The following MTAP variants were observed in gnomAD, a reference collection of about 807,000 sequenced individuals.
MTAP encodes S-methyl-5'-thioadenosine phosphorylase.
A neutral mutation model predicts 33.6 loss-of-function variants in MTAP; 33 were observed. The ratio of observed to expected loss-of-function variants is 0.98; its 90% CI spans 0.74 to 1.31. MTAP has a LOEUF of 1.31. Among genes scored for constraint, MTAP ranks in the 40% most tolerant of loss-of-function variants. MTAP has a pLI of 0.00. For missense variants in MTAP, 367 were observed against 360.0 expected (o/e 1.02, Z -0.16); for synonymous variants, 148 against 125.7 (o/e 1.18, Z -1.19).
Position 21,865,664 on chromosome 9 carries a change from C to T in MTAP, c.*3650C>T. The stretch of plus-strand genomic sequence containing the variant: ...AAGGAATGCCAAAGATCGAGGAAAT[C>T]TACCAAGACTAGTAGGGTAGTCCAG... On this transcript the variant is annotated 3_prime_UTR_variant, in exon 8 of 8. Coordinates refer to ENST00000644715, the MANE Select transcript of MTAP (RefSeq NM_002451.4). The T allele has an allele frequency of 2.0e-6, 2 of 1,006,964 alleles. No individual in the cohort carries two copies. The highest frequency in any genetic ancestry group is 2.4e-6 in the Non-Finnish European group (2 of 841,036). The allele number at this position is 1,006,964 out of a possible 1,614,324, so 62.4% of individuals were successfully genotyped here.
intron 1 of MTAP, among the ~76,000 whole-genome samples, chr9:21,897,917 T>C (rs1160535201): frequency 6.6e-6 from 1 of 152,190 alleles, no homozygotes; most frequent in East Asian, 1.9e-4. Context: ...AGAGCCCGCA[T>C]TGCCAAGTCA....
intron 1 of MTAP, among the ~76,000 whole-genome samples, chr9:21,878,555 A>G (rs1213298086): frequency 6.6e-6 from 1 of 152,052 alleles, no homozygotes; most frequent in Admixed American, 6.6e-5. Context: ...AGAGGCAGGG[A>G]TTCACCATGT....
intron 1 of MTAP, among the ~76,000 whole-genome samples, chr9:21,806,972 T>C (rs1389864677): frequency 1.3e-5 from 2 of 152,114 alleles, no homozygotes; most frequent in Non-Finnish European, 2.9e-5. Flanking sequence ...AAGACCAGCC[T>C]GGGCAACATG....
At chr9:21,834,241 G>T (rs1825046200) in intron 4 of MTAP, among the ~76,000 whole-genome samples, 1 of 152,186 alleles carries the variant, frequency 6.6e-6, no homozygotes, top group East Asian at 1.9e-4. Context: ...TCCCGTTTAA[G>T]GAAACTGATA....
chr9:21,803,027 CA>C (rs1824101575), intron 1 of MTAP: 2 of 1,050,442 alleles, frequency 1.9e-6, no homozygotes, highest in African/African-American at 1.8e-5. Context: ...CACACACACA[CA>C]CACACACACC....
chr9:21,892,602 G>A (rs1351456784), intron 1 of MTAP: 3 of 152,154 alleles, frequency 2.0e-5, no homozygotes, highest in African/African-American at 7.2e-5. Flanking sequence ...CAATACTGAA[G>A]CACTCAGATT....
At chr9:21,868,732 CA>C (rs1825892139), downstream of MTAP, among the ~76,000 whole-genome samples, 1 of 152,182 alleles carries the variant, frequency 6.6e-6, no homozygotes, top group Admixed American at 6.5e-5. Context: ...GAAGCATCAG[CA>C]GAACACTTTC....
chr9:21,901,827 G>A (rs1818397759), intron 1 of MTAP, among the ~76,000 whole-genome samples: 1 of 152,094 alleles, frequency 6.6e-6, no homozygotes, highest in Non-Finnish European at 1.5e-5. Flanking sequence ...TTAAAACAGT[G>A]AAGAAAAACA....
intron 1 of MTAP, among the ~76,000 whole-genome samples, chr9:21,814,049 G>C (rs1159236015): frequency 6.6e-6 from 1 of 152,186 alleles, no homozygotes; most frequent in Non-Finnish European, 1.5e-5. Context: ...TCCACAAGAT[G>C]GCGCCAACAT....
At chr9:21,867,509 A>C (rs748388598), downstream of MTAP, among the ~76,000 whole-genome samples, 13 of 152,120 alleles carry the variant, frequency 8.5e-5, no homozygotes, top group Admixed American at 5.9e-4. Context: ...TATAAACCAT[A>C]CTTAGTCATG....
intron 1 of MTAP, among the ~76,000 whole-genome samples, chr9:21,921,783 C>A (rs548485031): frequency 1.3e-5 from 2 of 152,098 alleles, no homozygotes; most frequent in African/African-American, 4.8e-5. Context: ...CCAGCCTGGA[C>A]AACATAGGGA....
At chr9:21,860,751 T>G (rs1160981054) in intron 7 of MTAP, 1 of 152,256 alleles carries the variant, frequency 6.6e-6, no homozygotes, top group Non-Finnish European at 1.5e-5. Context: ...GTTTATTTGT[T>G]TGTTTGTTTG....
At chr9:21,807,502 T>C (rs1224071026) in intron 1 of MTAP, among the ~76,000 whole-genome samples, 1 of 152,156 alleles carries the variant, frequency 6.6e-6, no homozygotes, top group Non-Finnish European at 1.5e-5. Flanking sequence ...ATTTCTTTTG[T>C]AGGACTGTCC....
At chr9:21,850,506 G>T (rs1052454374) in intron 5 of MTAP, among the ~76,000 whole-genome samples, 3 of 152,172 alleles carry the variant, frequency 2.0e-5, no homozygotes, top group African/African-American at 7.2e-5. Context: ...TGCCATTTGG[G>T]CCATATGACC....
At chr9:21,940,103 C>A (rs1444366369), downstream of MTAP, among the ~76,000 whole-genome samples, 1 of 152,036 alleles carries the variant, frequency 6.6e-6, no homozygotes, top group Non-Finnish European at 1.5e-5. Flanking sequence ...CCAACAGGAC[C>A]CTTAAGGACC....
chr9:21,848,704 T>C (rs1449609494), intron 5 of MTAP, among the ~76,000 whole-genome samples: 1 of 152,208 alleles, frequency 6.6e-6, no homozygotes, highest in African/African-American at 2.4e-5. Context: ...AAAACAGATA[T>C]GTGAGGGCAG....
chr9:21,857,693 A>G (rs1490208272), intron 6 of MTAP, among the ~76,000 whole-genome samples: 1 of 152,246 alleles, frequency 6.6e-6, no homozygotes, highest in African/African-American at 2.4e-5. Context: ...ACTCCCATCA[A>G]TAATTTTATC....
At chr9:21,894,832 T>C (rs919985130) in intron 1 of MTAP, among the ~76,000 whole-genome samples, 5 of 151,786 alleles carry the variant, frequency 3.3e-5, no homozygotes, top group African/African-American at 1.2e-4. Flanking sequence ...TTCAGCAACA[T>C]TTTAGGGTAC....
At chr9:21,870,937 A>C (rs1361523891), downstream of MTAP, among the ~76,000 whole-genome samples, 4 of 151,644 alleles carry the variant, frequency 2.6e-5, no homozygotes, top group African/African-American at 9.7e-5. Context: ...TGCCCAGCTA[A>C]TTTTTATATT....
Sources: gnomAD v4.1 joint callset for allele counts (sites outside exome capture counted in the v4.1 genomes callset) on GRCh38, gnomAD v4.1.1 for gene constraint, MANE v1.5 for transcripts, NCBI Gene and HGNC (gene_info 2026-07-23, HGNC 2026-07-21) for gene names.